The following KANK1 variants were observed in gnomAD, a reference collection of about 807,000 sequenced individuals.
KANK1 encodes KN motif and ankyrin repeat domains 1.
In KANK1, 109 loss-of-function variants were observed where a neutral mutation model predicts 106.2. The observed-to-expected ratio is 1.03, with a 90% CI of 0.88 to 1.20. The LOEUF (loss-of-function observed/expected upper bound fraction) is 1.20. Ranked by LOEUF, KANK1 falls within the 50% of genes most tolerant of loss-of-function variation. The pLI is 0.00. For missense variants in KANK1, 2,399 were observed against 1,710.7 expected, an observed-to-expected ratio of 1.40 and a Z score of -7.10; for synonymous variants, 873 against 652.2, an observed-to-expected ratio of 1.34 and a Z score of -5.16.
chr9:554,086 G>A (rs1411097053), intron 1 of KANK1, among the ~76,000 whole-genome samples: 2 of 152,198 alleles, frequency 1.3e-5, no homozygotes, highest in Non-Finnish European at 2.9e-5. Flanking sequence ...AGGTATATTA[G>A]GAAGGAGATT....
chr9:681,581 G>A (rs1287823676), intron 2 of KANK1, among the ~76,000 whole-genome samples: 2 of 152,140 alleles, frequency 1.3e-5, no homozygotes, highest in African/African-American at 2.4e-5. Context: ...TCACAAGGTG[G>A]TTGTGCAGGG....
At chr9:664,961 G>T (rs7030939) in intron 1 of KANK1, among the ~76,000 whole-genome samples, 40,656 of 151,956 alleles carry the variant, frequency 0.27, 5,790 homozygotes, top group Non-Finnish European at 0.3. Context: ...TTGTTCATTT[G>T]TCCTCTGTTG....
In KANK1 at chr9:619,262, A is replaced by G. The variant is rs79972151; in HGVS notation, c.-83-57628A>G. Reference sequence around the variant, plus strand: ...CTCAAGAATAGTTTGTATAAATGTTATATTTCAAGCCACACAGTACTTAAA... The same window carrying G: ...CTCAAGAATAGTTTGTATAAATGTTGTATTTCAAGCCACACAGTACTTAAA... On this transcript the variant is annotated intron_variant, in intron 1 of 11. Coordinates refer to ENST00000382297, the MANE Select transcript of KANK1 (RefSeq NM_015158.5). Among the ~76,000 whole-genome samples, 1,134 of 152,330 alleles carry G rather than the reference A, an allele frequency of 7.4e-3. 14 individuals are homozygous for G. Among genetic ancestry groups the G allele is most frequent in the African/African-American group, 0.024 (1,003 of 41,570 alleles).
chr9:579,794 A>G (rs1434157253), intron 1 of KANK1, among the ~76,000 whole-genome samples: 1 of 152,218 alleles, frequency 6.6e-6, no homozygotes, highest in Non-Finnish European at 1.5e-5. Context: ...CTGTGGGTTC[A>G]TTAACCCCAC....
At chr9:573,110 T>G (rs570705539) in intron 1 of KANK1, among the ~76,000 whole-genome samples, 1 of 152,300 alleles carries the variant, frequency 6.6e-6, no homozygotes, top group Non-Finnish European at 1.5e-5. Context: ...GATATGCTGC[T>G]GCAGTCAGTC....
At chr9:504,548 C>G (rs1169518333), upstream of KANK1, 1 of 150,520 alleles carries the variant, frequency 6.6e-6, no homozygotes, top group Non-Finnish European at 1.5e-5. Flanking sequence ...CGCTCCGGGG[C>G]GCAGCCACAG....
chr9:628,471 T>C (rs574768975), intron 1 of KANK1, among the ~76,000 whole-genome samples: 1 of 152,338 alleles, frequency 6.6e-6, no homozygotes, highest in South Asian at 2.1e-4. Flanking sequence ...CTGAAATCAG[T>C]ATACATCTTA....
chr9:626,539 A>G lies in KANK1; in HGVS notation c.-83-50351A>G, dbSNP rs976150488. ...TCTGTGTTTTCTGTTTTGTTTTTGT[A>G]ATTTTCACTTAGGAGGAGGCTGTAC... On this transcript the variant is annotated intron_variant, in intron 1 of 11. Coordinates refer to ENST00000382297, the MANE Select transcript of KANK1 (RefSeq NM_015158.5). Among the ~76,000 whole-genome samples the G allele has an allele frequency of 3.9e-5, 6 of 152,216 alleles. No homozygotes were observed. In the South Asian group the frequency reaches 1.2e-3, roughly 32 times the overall value.
chr9:592,341 G>A lies in KANK1; in HGVS notation c.-83-84549G>A, dbSNP rs193160847. ...CTTTCCCAGGGAGCAGCGGGAAGCCGGGGGAGGGGGAACCATGTTAATTAC... is the reference window on the plus strand; with the variant it reads ...CTTTCCCAGGGAGCAGCGGGAAGCCAGGGGAGGGGGAACCATGTTAATTAC... On this transcript the variant is annotated intron_variant, in intron 1 of 11. Coordinates refer to ENST00000382297, the MANE Select transcript of KANK1 (RefSeq NM_015158.5). Among the ~76,000 whole-genome samples, 495 of 151,884 alleles carry A rather than the reference G, an allele frequency of 3.3e-3. 14 individuals are homozygous for A. Among genetic ancestry groups the A allele is most frequent in the African/African-American group, 0.012 (482 of 41,178 alleles).
chr9:540,667 G>C (rs1053929049), intron 1 of KANK1: 1 of 152,132 alleles, frequency 6.6e-6, no homozygotes, highest in Non-Finnish European at 1.5e-5. Context: ...TTTGTTGAGA[G>C]GTTTGTGATT....
intron 4 of KANK1, 48 bp from the exon 5 acceptor site, chr9:731,110 C>A: frequency 1.0e-6 from 1 of 981,406 alleles, no homozygotes. Context: ...GATCATTTAA[C>A]ATGTATGGGT....
At chr9:731,333 T>C in intron 5 of KANK1, 67 bp downstream of exon 5, 1 of 910,324 alleles carries the variant, frequency 1.1e-6, no homozygotes, top group Non-Finnish European at 1.7e-6. Flanking sequence ...CTAAGTCACA[T>C]TTCAAGGCGC....
chr9:497,933 T>C (rs949415275), intron 3 of KANK1, among the ~76,000 whole-genome samples: 1 of 152,060 alleles, frequency 6.6e-6, no homozygotes, highest in African/African-American at 2.4e-5. Context: ...GTTCCATCCG[T>C]CCCAAAGGTC....
chr9:687,929 C>T (rs1818939105), intron 2 of KANK1, among the ~76,000 whole-genome samples: 1 of 152,130 alleles, frequency 6.6e-6, no homozygotes, highest in African/African-American at 2.4e-5. Flanking sequence ...CCAACAATGC[C>T]TTGCTTAGTA....
At chr9:600,384 T>G (rs1186249771) in intron 1 of KANK1, among the ~76,000 whole-genome samples, 1 of 151,880 alleles carries the variant, frequency 6.6e-6, no homozygotes. Context: ...TTTCTAAGGC[T>G]GAATAATATT....
At chr9:626,406 G>A (rs2136582842) in intron 1 of KANK1, among the ~76,000 whole-genome samples, 1 of 152,216 alleles carries the variant, frequency 6.6e-6, no homozygotes, top group East Asian at 1.9e-4. Flanking sequence ...AGTGAGCCGG[G>A]TGACAGAGCG....
chr9:731,391 A>T (rs1435160889), intron 5 of KANK1, 125 bp downstream of exon 5: 4 of 557,062 alleles, frequency 7.2e-6, no homozygotes, highest in Non-Finnish European at 1.3e-5. Context: ...TTCCCTCCTC[A>T]GAAAGGCAGA....
At chr9:536,128 A>G (rs1466683154) in intron 1 of KANK1, among the ~76,000 whole-genome samples, 1 of 152,158 alleles carries the variant, frequency 6.6e-6, no homozygotes, top group East Asian at 1.9e-4. Context: ...ACTTGAGGTC[A>G]GGAGTTAAAG....
chr9:512,284 A>G (rs1042033124), intron 1 of KANK1, among the ~76,000 whole-genome samples: 6 of 150,640 alleles, frequency 4.0e-5, no homozygotes, highest in African/African-American at 7.5e-5. Context: ...TTTTAAAACA[A>G]GGAATTGACT....
Sources: gnomAD v4.1 joint callset for allele counts (sites outside exome capture counted in the v4.1 genomes callset) on GRCh38, gnomAD v4.1.1 for gene constraint, MANE v1.5 for transcripts, NCBI Gene and HGNC (gene_info 2026-07-23, HGNC 2026-07-21) for gene names.